Variants in URB1 observed in about 807,000 individuals in gnomAD.
URB1 encodes the protein URB1 ribosome biogenesis factor, also known as nucleolar pre-ribosomal-associated protein 1.
A neutral mutation model predicts 242.3 loss-of-function variants in URB1; 197 were observed. That is an observed-to-expected ratio of 0.81 (90% CI 0.72 to 0.91). The LOEUF is 0.91. URB1 is among the 40% of genes least tolerant of loss of function. URB1 has a pLI of 0.00. For missense variants in URB1, 2,721 were observed against 2,860.5 expected (o/e 0.95, Z 1.11); for synonymous variants, 1,153 against 1,201.8 (o/e 0.96, Z 0.84).
chr21:32,333,059 A>G (rs956072295), intron 30 of URB1: 1 of 445,110 alleles, frequency 2.2e-6, no homozygotes, highest in Non-Finnish European at 4.0e-6. Context: ...GGAATTAGGA[A>G]AACATCAAAG....
At position 32,341,468 on chromosome 21, in the gene URB1, G is replaced by C; in HGVS notation, c.4314C>G (p.Leu1438=). The stretch of plus-strand genomic sequence containing the variant: ...CCAAGAAAATAAAATCAACTTACTT[G>C]AGTCCCTTCTTCACGAATTTCTGCC... ...GDWQKFVKKG[L]KFRYQDHTFL... The change falls in exon 25 of 39, where the codon CTC becomes CTG. Residue 1438 remains leucine (L), a splice_region_variant and synonymous_variant. Transcript: ENST00000382751. The C allele has an allele frequency of 6.4e-7, 1 of 1,551,484 alleles. No individual in the cohort carries two copies. The highest frequency in any genetic ancestry group is 8.7e-7 in the Non-Finnish European group (1 of 1,146,898).
rs958112200 is a variant in URB1 at position 32,317,134 on chromosome 21, G to C, written c.6035-69C>G. 4 of 1,449,548 alleles carry C rather than the reference G, an allele frequency of 2.8e-6. No individual in the cohort carries two copies. In the African/African-American group the frequency reaches 5.7e-5, roughly 21 times the overall value. The allele number at this position is 1,449,548 out of a possible 1,614,324, so 89.8% of individuals were successfully genotyped here. A position where few individuals can be genotyped will look rare whatever the true frequency, so the allele number is the denominator to read the frequency against. ...CTGCCCACACAGATCCAGATGTGGGGAGGTGTCAATGGGGGACACGAGGGG... is the reference window on the plus strand; with the variant it reads ...CTGCCCACACAGATCCAGATGTGGGCAGGTGTCAATGGGGGACACGAGGGG... On this transcript the variant is annotated intron_variant, in intron 37 of 38. Coordinates refer to ENST00000382751, the MANE Select transcript of URB1 (RefSeq NM_014825.3).
rs1296804336 is a variant in URB1 at position 32,322,597 on chromosome 21, GCAGT to G, written c.5234-17_5234-14del. 2.2e-5 allele frequency: 34 copies of G among 1,546,276 alleles called. No homozygotes were observed. The highest frequency in any genetic ancestry group is 2.8e-5 in the Non-Finnish European group (32 of 1,142,370). ...TACATGTGCTCCTCTGAGAACACAG[GCAGT>G]CAGTCAGTCATGGCAGGCCCCAGCA... On this transcript the variant is annotated splice_polypyrimidine_tract_variant and intron_variant, in intron 32 of 38. Coordinates refer to ENST00000382751, the MANE Select transcript of URB1 (RefSeq NM_014825.3).
At chr21:32,363,783 T>A (rs1292917707) in intron 10 of URB1, among the ~76,000 whole-genome samples, 1 of 151,948 alleles carries the variant, frequency 6.6e-6, no homozygotes, top group Non-Finnish European at 1.5e-5. Context: ...CGCCTCATCC[T>A]CCCAAGTAGC....
chr21:32,357,547 A>G lies in URB1; in HGVS notation c.1979T>C (p.Leu660Pro), dbSNP rs1382017681. 27 of 1,518,582 alleles carry G rather than the reference A, an allele frequency of 1.8e-5. No individual in the cohort carries two copies. Among genetic ancestry groups the G allele is most frequent in the Non-Finnish European group, 2.3e-5 (26 of 1,135,924 alleles). The allele number at this position is 1,518,582 out of a possible 1,614,324, so 94.1% of individuals were successfully genotyped here. A position where few individuals can be genotyped will look rare whatever the true frequency, so the allele number is the denominator to read the frequency against. ...GTAGAAAATGCTCACCTTCATGATC[A>G]GAAGTTTGGTCAATGACTTCAGTTG... ...HLQLKSLTKL[L>P]IMKILRDTGV... The change falls in exon 15 of 39, where the codon CTG becomes CCG. Residue 660 changes from leucine to proline, a missense_variant. By Grantham distance (98) the Leu-to-Pro change is moderately conservative. Coordinates refer to ENST00000382751, the MANE Select transcript of URB1 (RefSeq NM_014825.3).
At position 32,311,581 on chromosome 21, in the gene URB1, G is replaced by T; in HGVS notation, c.*3337C>A. ...TTTGCCTGTGTGGCCTTCCCTATGG[G>T]GTCCGGGCAGATGGCAGGTGTGGCA... On this transcript the variant is annotated 3_prime_UTR_variant, in exon 39 of 39. Transcript: ENST00000382751. The T allele has an allele frequency of 4.0e-6, 6 of 1,511,096 alleles. No individual in the cohort carries two copies. The highest frequency in any genetic ancestry group is 5.3e-6 in the Non-Finnish European group (6 of 1,125,032). The allele number at this position is 1,511,096 out of a possible 1,614,324, so 93.6% of individuals were successfully genotyped here. A position where few individuals can be genotyped will look rare whatever the true frequency, so the allele number is the denominator to read the frequency against.
chr21:32,371,179 G>A (rs1047122346), intron 8 of URB1, among the ~76,000 whole-genome samples: 1 of 152,150 alleles, frequency 6.6e-6, no homozygotes, highest in African/African-American at 2.4e-5. Context: ...CTGGGGAACA[G>A]GGAACGATGC....
At chr21:32,324,747 G>A in intron 31 of URB1, 145 bp from the exon 32 acceptor site, 1 of 624,910 alleles carries the variant, frequency 1.6e-6, no homozygotes, top group South Asian at 2.0e-5. Flanking sequence ...GCTCACAGGA[G>A]CAGACACACT....
intron 10 of URB1, among the ~76,000 whole-genome samples, chr21:32,364,548 A>G (rs1244009741): frequency 6.6e-6 from 1 of 152,158 alleles, no homozygotes; most frequent in African/African-American, 2.4e-5. Flanking sequence ...ACTGCACACT[A>G]AATCAGGACT....
chr21:32,333,300 G>A lies in URB1; in HGVS notation c.4960+17C>T. On this transcript the variant is annotated intron_variant, in intron 30 of 38. Transcript: ENST00000382751. ...TCATGCATAGCAAGCCCTGACCCAA[G>A]AGAAGACTGCAGTTACCTGGCCTGG... 1 of 1,550,538 alleles carries A rather than the reference G, an allele frequency of 6.4e-7. No individual in the cohort carries two copies. The highest frequency in any genetic ancestry group is 8.7e-7 in the Non-Finnish European group (1 of 1,145,806).
At chr21:32,384,195 C>T in intron 3 of URB1, 118 bp downstream of exon 3, 4 of 1,294,424 alleles carry the variant, frequency 3.1e-6, no homozygotes, top group Non-Finnish European at 3.1e-6. Context: ...ACTGTGGCCT[C>T]GGAAATAGCT....
chr21:32,352,901 T>G lies in URB1; in HGVS notation c.2422A>C (p.Asn808His), dbSNP rs1457843031. 2 of 1,544,692 alleles carry G rather than the reference T, an allele frequency of 1.3e-6. No individual in the cohort carries two copies. Among genetic ancestry groups the G allele is most frequent in the Non-Finnish European group, 1.7e-6 (2 of 1,143,112 alleles). Reference sequence around the variant, plus strand: ...ACTGCCGTCAGATATGTCACAACGTTTTCCGCTGCAAAGGAACGAGATGCA... The same window carrying G: ...ACTGCCGTCAGATATGTCACAACGTGTTCCGCTGCAAAGGAACGAGATGCA... ...LLGTGNEAAE[N>H]VVTYLTAVLT... The change falls in exon 19 of 39, where the codon AAC becomes CAC. Residue 808 changes from asparagine (N) to histidine (H), a missense_variant. Physicochemically the swap from Asn to His is moderately conservative, Grantham distance 68. Transcript: ENST00000382751.
chr21:32,336,146 A>G (rs1369587313), intron 28 of URB1, among the ~76,000 whole-genome samples: 1 of 152,034 alleles, frequency 6.6e-6, no homozygotes, highest in African/African-American at 2.4e-5. Flanking sequence ...CGCAGGAGAA[A>G]GGAAAAGAGC....
chr21:32,352,870 G>A lies in URB1; in HGVS notation c.2453C>T (p.Thr818Ile), dbSNP rs546707657. The change falls in exon 19 of 39, where the codon ACT becomes ATT. Residue 818 changes from threonine (T) to isoleucine (I), a missense_variant. Thr to Ile is a moderately conservative substitution (Grantham distance 89). Coordinates refer to ENST00000382751, the MANE Select transcript of URB1 (RefSeq NM_014825.3). The part of the protein sequence containing the change: ...NVVTYLTAVL[T>I]DLLHTQRDPL... ...GTCCCTCTGGGTGTGGAGGAGGTCA[G>A]TCAGCACTGCCGTCAGATATGTCAC... 3.2e-6 allele frequency: 5 copies of A among 1,551,378 alleles called. No individual in the cohort carries two copies. Among genetic ancestry groups the A allele is most frequent in the African/African-American group, 1.4e-5 (1 of 73,178 alleles).
intron 8 of URB1, among the ~76,000 whole-genome samples, chr21:32,368,971 A>G (rs1240090836): frequency 6.6e-6 from 1 of 152,136 alleles, no homozygotes; most frequent in Non-Finnish European, 1.5e-5. Context: ...GAAAGGACAA[A>G]ACCAGCAGGG....
chr21:32,334,034 C>A (rs2032926064), intron 29 of URB1, 129 bp downstream of exon 29: 3 of 1,221,890 alleles, frequency 2.5e-6, no homozygotes, highest in African/African-American at 1.5e-5. Flanking sequence ...GGTCTCTATA[C>A]CTTTATATAT....
At chr21:32,349,053 G>C (rs2033125927) in intron 21 of URB1, among the ~76,000 whole-genome samples, 2 of 152,250 alleles carry the variant, frequency 1.3e-5, no homozygotes, top group African/African-American at 4.8e-5. Context: ...TTCTCAGCAG[G>C]CTCACCTCAC....
At chr21:32,367,813 C>T (rs368134285) in intron 9 of URB1, among the ~76,000 whole-genome samples, 111 of 152,198 alleles carry the variant, frequency 7.3e-4, no homozygotes, top group African/African-American at 2.6e-3. Flanking sequence ...CTCATCAATC[C>T]CAGTCTAACT....
intron 30 of URB1, among the ~76,000 whole-genome samples, chr21:32,331,862 G>A (rs183752447): frequency 2.8e-4 from 43 of 152,348 alleles, no homozygotes; most frequent in Admixed American, 6.5e-4. Context: ...AAGTAGGGAG[G>A]CAGGATGTTC....
Sources: gnomAD v4.1 joint callset for allele counts (sites outside exome capture counted in the v4.1 genomes callset) on GRCh38, gnomAD v4.1.1 for gene constraint, MANE v1.5 for transcripts, NCBI Gene and HGNC (gene_info 2026-07-23, HGNC 2026-07-21) for gene names.